AGBL4: variants seen among roughly 807,000 people sequenced by gnomAD.
The protein encoded by AGBL4 is AGBL carboxypeptidase 4, also known as cytosolic carboxypeptidase 6.
In AGBL4, 58 loss-of-function variants were observed where a neutral mutation model predicts 66.4. That is an observed-to-expected ratio of 0.87 (90% confidence interval 0.71 to 1.09). The LOEUF (loss-of-function observed/expected upper bound fraction) is 1.09. Ranked by LOEUF, AGBL4 falls within the 50% of genes least tolerant of loss-of-function variation. The probability of loss-of-function intolerance (pLI) is 0.00; values close to 1 mark genes in which losing one functional copy is unlikely to be tolerated. For missense variants in AGBL4, 579 were observed against 631.0 expected (o/e 0.92, Z 0.88); for synonymous variants, 234 against 222.9 (o/e 1.05, Z -0.44).
intron 3 of AGBL4, among the ~76,000 whole-genome samples, chr1:49,521,921 G>C (rs1650297492): frequency 6.6e-6 from 1 of 151,936 alleles, no homozygotes; most frequent in African/African-American, 2.4e-5. Flanking sequence ...AGGGGGGAAT[G>C]AGTGCAGGGG....
intron 6 of AGBL4, among the ~76,000 whole-genome samples, chr1:48,845,276 C>T (rs751372439): frequency 2.6e-5 from 4 of 152,140 alleles, no homozygotes; most frequent in Admixed American, 6.5e-5. Flanking sequence ...TGGCTCTAAT[C>T]GGAACAAGGT....
intron 9 of AGBL4, among the ~76,000 whole-genome samples, chr1:48,610,713 T>C (rs1272262618): frequency 6.6e-6 from 1 of 152,122 alleles, no homozygotes; most frequent in South Asian, 2.1e-4. Context: ...TTTCCAAGCT[T>C]CCTTCATTTC....
chr1:48,975,726 T>C (rs1242916047), intron 5 of AGBL4, among the ~76,000 whole-genome samples: 3 of 152,132 alleles, frequency 2.0e-5, no homozygotes, highest in Admixed American at 1.3e-4. Context: ...TACAAGTAAG[T>C]TGCATGAACA....
intron 2 of AGBL4, among the ~76,000 whole-genome samples, chr1:49,710,116 T>G (rs977810940): frequency 6.6e-6 from 1 of 152,160 alleles, no homozygotes; most frequent in African/African-American, 2.4e-5. Flanking sequence ...TTATAAATAA[T>G]TCTACTATAA....
chr1:49,849,107 G>A (rs570456553), intron 2 of AGBL4, among the ~76,000 whole-genome samples: 2 of 152,258 alleles, frequency 1.3e-5, no homozygotes, highest in East Asian at 3.9e-4. Context: ...GCTTCTGTGT[G>A]TACCCTGAAG....
Position 49,190,772 on chromosome 1 carries a change from T to C in AGBL4, c.377+54998A>G, listed in dbSNP as rs569337460. ...TACAGGAAGGACAGGCTCACACATA[T>C]TATATGTGCTAACTTTGGATCTAAT... On this transcript the variant is annotated intron_variant, in intron 4 of 13. Coordinates refer to ENST00000371839, the MANE Select transcript of AGBL4 (RefSeq NM_032785.4). Among the ~76,000 whole-genome samples, 8 of 152,274 alleles carry C rather than the reference T, an allele frequency of 5.3e-5. No homozygotes were observed. In the South Asian group the frequency reaches 1.2e-3, roughly 24 times the overall value.
At chr1:48,654,970 T>C (rs1267684260) in intron 7 of AGBL4, among the ~76,000 whole-genome samples, 1 of 152,234 alleles carries the variant, frequency 6.6e-6, no homozygotes. Context: ...ATCTGTCCAG[T>C]AATTGACCCC....
intron 3 of AGBL4, among the ~76,000 whole-genome samples, chr1:49,384,479 G>A (rs1220413912): frequency 6.6e-6 from 1 of 151,932 alleles, no homozygotes; most frequent in East Asian, 1.9e-4. Flanking sequence ...TGTAGGCCCA[G>A]CTACTTGGGA....
intron 5 of AGBL4, among the ~76,000 whole-genome samples, chr1:48,999,264 G>T (rs1175472592): frequency 6.6e-6 from 1 of 152,142 alleles, no homozygotes; most frequent in Non-Finnish European, 1.5e-5. Context: ...AGTGAGTGAT[G>T]ACTCACTGAT....
At chr1:49,725,108 A>G (rs1648916707) in intron 2 of AGBL4, among the ~76,000 whole-genome samples, 1 of 152,042 alleles carries the variant, frequency 6.6e-6, no homozygotes, top group Non-Finnish European at 1.5e-5. Context: ...CTAAAATGAC[A>G]TTTTCCTCTC....
chr1:49,092,607 T>C (rs1645022154), intron 4 of AGBL4, among the ~76,000 whole-genome samples: 1 of 152,156 alleles, frequency 6.6e-6, no homozygotes, highest in Non-Finnish European at 1.5e-5. Flanking sequence ...AAATGATGGT[T>C]GTAATTATCA....
At chr1:48,768,383 A>G (rs1644636948) in intron 6 of AGBL4, among the ~76,000 whole-genome samples, 1 of 152,232 alleles carries the variant, frequency 6.6e-6, no homozygotes, top group Admixed American at 6.5e-5. Flanking sequence ...TCAAAGCCAC[A>G]AAGAGCTTTC....
At chr1:49,258,966 A>C (rs574476556) in intron 3 of AGBL4, among the ~76,000 whole-genome samples, 2 of 152,352 alleles carry the variant, frequency 1.3e-5, no homozygotes, top group South Asian at 4.1e-4. Context: ...TCTCAGCAGA[A>C]ACTCTACAAG....
intron 6 of AGBL4, among the ~76,000 whole-genome samples, chr1:48,820,680 A>G (rs1646291200): frequency 6.6e-6 from 1 of 152,142 alleles, no homozygotes; most frequent in African/African-American, 2.4e-5. Context: ...GAGCCTGTCA[A>G]CCTTTGGACT....
intron 5 of AGBL4, among the ~76,000 whole-genome samples, chr1:49,012,068 A>T (rs943183642): frequency 6.6e-6 from 1 of 151,796 alleles, no homozygotes. Flanking sequence ...AAAAAAAAGG[A>T]ACTCCCCCAC....
At chr1:48,702,417 A>C (rs1200024329) in intron 6 of AGBL4, among the ~76,000 whole-genome samples, 1 of 151,832 alleles carries the variant, frequency 6.6e-6, no homozygotes, top group African/African-American at 2.4e-5. Flanking sequence ...TCAGCCTCCC[A>C]AGTAGCTGGG....
chr1:49,644,385 T>C (rs1571236635), intron 3 of AGBL4, among the ~76,000 whole-genome samples: 1 of 151,548 alleles, frequency 6.6e-6, no homozygotes, highest in Admixed American at 6.6e-5. Flanking sequence ...AAAGTAAGAT[T>C]CAACTAGGTA....
rs1206110420 is a variant in AGBL4, at chr1:50,023,943, C to A, written c.-147G>T. On this transcript the variant is annotated 5_prime_UTR_variant, in exon 1 of 14. Coordinates refer to ENST00000371839, the MANE Select transcript of AGBL4 (RefSeq NM_032785.4). ...AACGGGCGGCAGGCGCGCGGGTGGCCGGCGCGCGGCTGAGGGCGGGAGGGA... is the reference window on the plus strand; with the variant it reads ...AACGGGCGGCAGGCGCGCGGGTGGCAGGCGCGCGGCTGAGGGCGGGAGGGA... The A allele has an allele frequency of 3.6e-6, 3 of 843,930 alleles. No individual in the cohort carries two copies. Among genetic ancestry groups the A allele is most frequent in the Non-Finnish European group, 5.1e-6 (3 of 583,330 alleles). The allele number at this position is 843,930 out of a possible 1,614,324, so 52.3% of individuals were successfully genotyped here.
At chr1:48,920,815 C>A (rs925451308) in intron 5 of AGBL4, among the ~76,000 whole-genome samples, 1 of 151,936 alleles carries the variant, frequency 6.6e-6, no homozygotes, top group African/African-American at 2.4e-5. Flanking sequence ...AGGGAAGAGA[C>A]AATTTGCTGA....
Sources: gnomAD v4.1 joint callset for allele counts (sites outside exome capture counted in the v4.1 genomes callset) on GRCh38, gnomAD v4.1.1 for gene constraint, MANE v1.5 for transcripts, NCBI Gene and HGNC (gene_info 2026-07-23, HGNC 2026-07-21) for gene names.